SIPA1L3: variants seen among roughly 807,000 people sequenced by gnomAD.
SIPA1L3 encodes signal induced proliferation associated 1 like 3, also known as signal-induced proliferation-associated 1-like protein 3.
Under a neutral mutation model 150.1 loss-of-function variants are expected in SIPA1L3, and 59 were observed. The ratio of observed to expected loss-of-function variants is 0.39; its 90% CI spans 0.32 to 0.49. The LOEUF is 0.49. Among genes scored for constraint, SIPA1L3 ranks in the 20% least tolerant of loss-of-function variants. SIPA1L3 has a pLI of 0.86. For missense variants in SIPA1L3, 2,211 were observed against 2,489.5 expected (o/e 0.89, Z 2.38); for synonymous variants, 1,070 against 1,077.6 (o/e 0.99, Z 0.14).
chr19:38,079,284 G>A (rs1247689170), intron 2 of SIPA1L3, among the ~76,000 whole-genome samples: 1 of 152,216 alleles, frequency 6.6e-6, no homozygotes, highest in East Asian at 1.9e-4. Context: ...AGTGAGCCGA[G>A]ATCGCGCCAC....
intron 1 of SIPA1L3, among the ~76,000 whole-genome samples, chr19:38,013,412 A>AG (rs1968153805): frequency 6.6e-6 from 1 of 152,192 alleles, no homozygotes; most frequent in Admixed American, 6.5e-5. Context: ...GCTGAAAAAA[A>AG]AAAGTTTTAT....
chr19:37,989,468 C>T (rs980457374), intron 1 of SIPA1L3, among the ~76,000 whole-genome samples: 1 of 152,142 alleles, frequency 6.6e-6, no homozygotes, highest in Non-Finnish European at 1.5e-5. Context: ...AAGCAGTCCT[C>T]ATGTCTTGGA....
At chr19:38,073,314 G>A (rs1969762519) in intron 2 of SIPA1L3, among the ~76,000 whole-genome samples, 1 of 152,184 alleles carries the variant, frequency 6.6e-6, no homozygotes, top group Admixed American at 6.5e-5. Flanking sequence ...GGGGGGACAT[G>A]CTTCACATCG....
In SIPA1L3 at chr19:37,954,508, G is replaced by T. The variant is rs535247976; in HGVS notation, c.-379+47150G>T. Among the ~76,000 whole-genome samples, 3 of 152,296 alleles carry T rather than the reference G, an allele frequency of 2.0e-5. No homozygotes were observed. In the South Asian group the frequency reaches 6.2e-4, roughly 32 times the overall value. ...GGGTGGGCAGTGGGGAAGGAGACAG[G>T]CTGGTTTGCAGCCAGATCAGTTTTA... On this transcript the variant is annotated intron_variant, in intron 1 of 21. Coordinates refer to ENST00000222345, the MANE Select transcript of SIPA1L3 (RefSeq NM_015073.3).
intron 18 of SIPA1L3, among the ~76,000 whole-genome samples, chr19:38,196,395 C>CGG (rs1568605725): frequency 0.01 from 1,456 of 144,940 alleles, 29 homozygotes; most frequent in African/African-American, 0.035. Flanking sequence ...AGGTCAAGGG[C>CGG]AGAGCAAGGA....
chr19:38,162,296 A>G lies in SIPA1L3; in HGVS notation c.3705A>G (p.Ile1235Met). 5 of 1,614,242 alleles carry G rather than the reference A, an allele frequency of 3.1e-6. No homozygotes were observed. Among genetic ancestry groups the G allele is most frequent in the Non-Finnish European group, 4.2e-6 (5 of 1,180,038 alleles). The stretch of plus-strand genomic sequence containing the variant: ...CTGCCCAGGCCAGGCTCTCAGCCAT[A>G]GCCGGAAGCAGCGGGAACAAGCACC... ...HVPAQARLSA[I>M]AGSSGNKHPS... The change falls in exon 14 of 22, where the codon ATA (isoleucine) becomes ATG (methionine). Residue 1235 changes from isoleucine (I) to methionine (M), a missense_variant. Ile to Met is a conservative substitution (Grantham distance 10, BLOSUM62 1). This residue lies in a region of SIPA1L3 where 806 missense variants were observed against 870.1 expected (regional missense o/e 0.93). Transcript: ENST00000222345.
chr19:38,053,160 A>G (rs1186183359), intron 2 of SIPA1L3, among the ~76,000 whole-genome samples: 1 of 152,176 alleles, frequency 6.6e-6, no homozygotes, highest in African/African-American at 2.4e-5. Context: ...CCCAGGGGAG[A>G]TGGAAGGTGC....
intron 4 of SIPA1L3, among the ~76,000 whole-genome samples, chr19:38,095,214 A>ACAG (rs1970350771): frequency 6.6e-6 from 1 of 152,268 alleles, no homozygotes; most frequent in South Asian, 2.1e-4. Flanking sequence ...TACCCAAGAT[A>ACAG]CAGCACTAAG....
rs1969971692 is a variant in SIPA1L3 at position 38,081,299 on chromosome 19, C to T, written c.-267C>T. 2.4e-6 allele frequency: 1 copy of T among 425,396 alleles called. No individual in the cohort carries two copies. The highest frequency in any genetic ancestry group is 4.2e-6 in the Non-Finnish European group (1 of 240,884). The allele number at this position is 425,396 out of a possible 1,614,324, so 26.4% of individuals were successfully genotyped here. On this transcript the variant is annotated 5_prime_UTR_variant, in exon 3 of 22. Coordinates refer to ENST00000222345, the MANE Select transcript of SIPA1L3 (RefSeq NM_015073.3). ...CTTGCTGCCTCCAGCTGGCGGGCGA[C>T]CACAGCTACTGCCTGCTCTGCGCTA...
At chr19:38,160,318 T>G (rs1335106594) in intron 13 of SIPA1L3, among the ~76,000 whole-genome samples, 1 of 147,708 alleles carries the variant, frequency 6.8e-6, no homozygotes, top group African/African-American at 2.5e-5. Flanking sequence ...CTGGCCAATT[T>G]TTTTTTAAGG....
At chr19:38,065,902 C>CTTAT (rs950492911) in intron 2 of SIPA1L3, among the ~76,000 whole-genome samples, 21 of 87,590 alleles carry the variant, frequency 2.4e-4, no homozygotes, top group African/African-American at 5.6e-4. Context: ...GGTTTGATCT[C>CTTAT]TTATTTATTT....
At chr19:37,949,147 G>A (rs748821422) in intron 1 of SIPA1L3, among the ~76,000 whole-genome samples, 1 of 152,180 alleles carries the variant, frequency 6.6e-6, no homozygotes, top group Non-Finnish European at 1.5e-5. Context: ...ATAGGCCTGA[G>A]GCCTAGGCGA....
At chr19:37,999,018 C>T (rs966451565) in intron 1 of SIPA1L3, among the ~76,000 whole-genome samples, 3 of 151,850 alleles carry the variant, frequency 2.0e-5, no homozygotes, top group African/African-American at 7.3e-5. Flanking sequence ...CACACCCACA[C>T]ACACACAAAG....
chr19:38,037,738 G>C (rs1968823421), intron 2 of SIPA1L3, among the ~76,000 whole-genome samples: 1 of 152,150 alleles, frequency 6.6e-6, no homozygotes, highest in Non-Finnish European at 1.5e-5. Context: ...GAAAAAAACT[G>C]CTGACCAGTA....
intron 8 of SIPA1L3, 127 bp downstream of exon 8, chr19:38,110,511 C>T (rs1307284378): frequency 1.1e-5 from 7 of 639,304 alleles, no homozygotes; most frequent in African/African-American, 1.8e-5. Context: ...TCGGCGTATA[C>T]TCCCCACACC....
intron 18 of SIPA1L3, among the ~76,000 whole-genome samples, chr19:38,197,589 C>G (rs1293205509): frequency 6.6e-6 from 1 of 152,044 alleles, no homozygotes; most frequent in African/African-American, 2.4e-5. Context: ...AGCCTCCGTC[C>G]CACCATCTCC....
At chr19:38,031,261 A>T (rs1175301392) in intron 2 of SIPA1L3, among the ~76,000 whole-genome samples, 2 of 152,238 alleles carry the variant, frequency 1.3e-5, no homozygotes, top group Non-Finnish European at 2.9e-5. Context: ...CAAAACAGGA[A>T]ATTCACACAA....
chr19:37,939,458 A>G (rs2046632849), intron 1 of SIPA1L3, among the ~76,000 whole-genome samples: 1 of 152,252 alleles, frequency 6.6e-6, no homozygotes, highest in African/African-American at 2.4e-5. Context: ...GTTTCAACAA[A>G]GTGACAGTGG....
chr19:38,201,683 C>A (rs142741011), intron 19 of SIPA1L3, among the ~76,000 whole-genome samples, 179 bp from the exon 20 acceptor site: 3 of 152,252 alleles, frequency 2.0e-5, no homozygotes, highest in Admixed American at 6.5e-5. Flanking sequence ...TGATTGTGTT[C>A]TTGTTTTGTG....
Sources: allele counts gnomAD v4.1 joint callset (sites outside exome capture counted in the v4.1 genomes callset), GRCh38; gene constraint gnomAD v4.1.1; regional missense constraint gnomAD v4.1.1; transcripts MANE v1.5; gene names NCBI Gene and HGNC (gene_info 2026-07-23, HGNC 2026-07-21).